The following OR1L8 variants were observed in gnomAD, a reference collection of about 807,000 sequenced individuals.
The protein encoded by OR1L8 is olfactory receptor 1L8.
For missense variants in OR1L8, 330 were observed against 377.4 expected, an observed-to-expected ratio of 0.87 and a Z score of 1.04; for synonymous variants, 148 against 147.0, an observed-to-expected ratio of 1.01 and a Z score of -0.05.
At chr9:122,552,673 C>G in the OR1L8 span, among the ~76,000 whole-genome samples, 1 of 151,690 alleles carries the variant, frequency 6.6e-6, no homozygotes, top group Non-Finnish European at 1.5e-5. Context: ...AGGTCAAATT[C>G]TCAGCACTGA....
In OR1L8 at chr9:122,568,664, G is replaced by T; in HGVS notation, c.-187C>A. On this transcript the variant is annotated 5_prime_UTR_variant, in exon 5 of 5. Coordinates refer to ENST00000641027, the MANE Select transcript of OR1L8 (RefSeq NM_001004454.2). Reference sequence around the variant, plus strand: ...GGGTCCTCCCTTCCCAAATCTATGGGCTCCATAAGGGCATTATATTGAAAT... The same window carrying T: ...GGGTCCTCCCTTCCCAAATCTATGGTCTCCATAAGGGCATTATATTGAAAT... 1.9e-6 allele frequency: 1 copy of T among 527,072 alleles called. No homozygotes were observed. The highest frequency in any genetic ancestry group is 3.3e-6 in the Non-Finnish European group (1 of 301,588). The allele number at this position is 527,072 out of a possible 1,614,324, so 32.6% of individuals were successfully genotyped here. A position where few individuals can be genotyped will look rare whatever the true frequency, so the allele number is the denominator to read the frequency against.
At chr9:122,556,686 A>C in the OR1L8 span, among the ~76,000 whole-genome samples, 2 of 151,678 alleles carry the variant, frequency 1.3e-5, no homozygotes, top group East Asian at 3.9e-4. Context: ...AATTTAAAAG[A>C]AAAAAAAAGT....
At chr9:122,582,587 G>A (rs751095693) in intron 1 of OR1L8, among the ~76,000 whole-genome samples, 3 of 151,970 alleles carry the variant, frequency 2.0e-5, no homozygotes, top group Non-Finnish European at 4.4e-5. Flanking sequence ...GGGCATAGTA[G>A]TACACACCTG....
At chr9:122,577,767 A>C (rs1036787612) in intron 2 of OR1L8, among the ~76,000 whole-genome samples, 3 of 152,240 alleles carry the variant, frequency 2.0e-5, no homozygotes, top group Admixed American at 2.0e-4. Flanking sequence ...TATCCAAAGG[A>C]AACAGTTGAA....
the OR1L8 span, among the ~76,000 whole-genome samples, chr9:122,546,454 C>A: frequency 4.6e-5 from 7 of 152,114 alleles, no homozygotes; most frequent in African/African-American, 1.7e-4. Flanking sequence ...AACGTTTGCT[C>A]GCACGGTGCT....
At chr9:122,547,735 G>T in the OR1L8 span, among the ~76,000 whole-genome samples, 2,217 of 151,228 alleles carry the variant, frequency 0.015, 60 homozygotes, top group African/African-American at 0.051. Context: ...TGCTATTGTG[G>T]ATAGTGCTAC....
At chr9:122,573,765 ATTCT>A (rs1829593559) in intron 3 of OR1L8, among the ~76,000 whole-genome samples, 1 of 152,144 alleles carries the variant, frequency 6.6e-6, no homozygotes, top group Non-Finnish European at 1.5e-5. Flanking sequence ...CAGCTTATGA[ATTCT>A]TTCTTTTATG....
the OR1L8 span, among the ~76,000 whole-genome samples, chr9:122,554,778 T>C: frequency 6.0e-5 from 9 of 149,844 alleles, no homozygotes; most frequent in African/African-American, 2.2e-4. Context: ...TCCTTACTAT[T>C]TCATTTCTTT....
the OR1L8 span, among the ~76,000 whole-genome samples, chr9:122,548,670 T>C: frequency 1.3e-5 from 2 of 151,782 alleles, no homozygotes; most frequent in African/African-American, 2.4e-5. Context: ...TGTATGCATG[T>C]CCCATGTTGG....
downstream of OR1L8, among the ~76,000 whole-genome samples, chr9:122,566,375 C>T (rs183485865): frequency 6.6e-6 from 1 of 152,268 alleles, no homozygotes; most frequent in African/African-American, 2.4e-5. Flanking sequence ...AATATTCTCC[C>T]TCCATGTTTC....
At chr9:122,576,128 C>T (rs997531608) in intron 3 of OR1L8, among the ~76,000 whole-genome samples, 1 of 152,084 alleles carries the variant, frequency 6.6e-6, no homozygotes, top group African/African-American at 2.4e-5. Context: ...CTTTTAAGAA[C>T]AGATAGTTCA....
At chr9:122,553,144 T>C in the OR1L8 span, 1 of 1,540,856 alleles carries the variant, frequency 6.5e-7, no homozygotes, top group East Asian at 2.3e-5. Flanking sequence ...TATCTGTAAA[T>C]TGATCTAATA....
intron 1 of OR1L8, among the ~76,000 whole-genome samples, chr9:122,582,196 C>T (rs1202759188): frequency 1.3e-5 from 2 of 151,988 alleles, no homozygotes; most frequent in Non-Finnish European, 2.9e-5. Context: ...AGAAGTGTTG[C>T]GTTTTTGACA....
chr9:122,553,404 T>C, the OR1L8 span: 7 of 1,614,054 alleles, frequency 4.3e-6, no homozygotes, highest in Non-Finnish European at 5.1e-6. Flanking sequence ...CATGTACTTC[T>C]TTCTGGCCAA....
chr9:122,557,731 T>C, the OR1L8 span, among the ~76,000 whole-genome samples: 1 of 152,066 alleles, frequency 6.6e-6, no homozygotes, highest in African/African-American at 2.4e-5. Context: ...TAGAATGAGC[T>C]AAAAGTTCTT....
chr9:122,559,661 A>G, the OR1L8 span, among the ~76,000 whole-genome samples: 1 of 151,086 alleles, frequency 6.6e-6, no homozygotes, highest in East Asian at 2.0e-4. Context: ...CTTGAGTTCT[A>G]ATTTGATTTC....
chr9:122,555,447 G>A, the OR1L8 span, among the ~76,000 whole-genome samples: 2 of 151,924 alleles, frequency 1.3e-5, no homozygotes, highest in Admixed American at 6.6e-5. Flanking sequence ...AGCAATCTGC[G>A]GCTGCAATTT....
At chr9:122,549,880 T>C in the OR1L8 span, among the ~76,000 whole-genome samples, 2 of 152,206 alleles carry the variant, frequency 1.3e-5, no homozygotes, top group Admixed American at 1.3e-4. Flanking sequence ...TAGGATTTTT[T>C]TCTAATTCTA....
Position 122,567,975 on chromosome 9 carries a change from G to T in OR1L8, c.503C>A (p.Thr168Asn), listed in dbSNP as rs1192245458. 1 of 1,614,200 alleles carries T rather than the reference G, an allele frequency of 6.2e-7. No individual in the cohort carries two copies. The highest frequency in any genetic ancestry group is 8.5e-7 in the Non-Finnish European group (1 of 1,180,020). ...GTGGATAACATTGGAGTCACAGAAG[G>T]TGAGACGATTCAGCAGAAGTGTGTG... ...LLHTLLLNRLTFCDSNVIHHF... is the reference protein window; with the variant it reads ...LLHTLLLNRLNFCDSNVIHHF... The change falls in exon 5 of 5, where the codon ACC becomes AAC. Residue 168 changes from threonine to asparagine, a missense_variant. Thr to Asn is a moderately conservative substitution (Grantham distance 65). Coordinates refer to ENST00000641027, the MANE Select transcript of OR1L8 (RefSeq NM_001004454.2).
Sources: allele counts gnomAD v4.1 joint callset (sites outside exome capture counted in the v4.1 genomes callset), GRCh38; gene constraint gnomAD v4.1.1; transcripts MANE v1.5; gene names NCBI Gene and HGNC (gene_info 2026-07-23, HGNC 2026-07-21).